Variants in ANKRD29 observed in about 807,000 individuals in gnomAD.
ANKRD29 encodes the protein ankyrin repeat domain 29.
ANKRD29 carries 32 observed loss-of-function variants against 38.0 expected under a neutral mutation model. The ratio of observed to expected loss-of-function variants is 0.84; its 90% CI spans 0.64 to 1.13. The LOEUF is 1.13. Ranked by LOEUF, ANKRD29 falls within the 50% of genes most tolerant of loss-of-function variation. The pLI is 0.00. For synonymous variants in ANKRD29, 135 were observed against 152.4 expected (o/e 0.89, Z 0.84); for missense variants, 357 against 377.9 (o/e 0.94, Z 0.46).
In ANKRD29 at chr18:23,644,613, A is replaced by G. The variant is rs538872586; in HGVS notation, c.231+1576T>C. On this transcript the variant is annotated intron_variant, in intron 3 of 9. Coordinates refer to ENST00000592179, the MANE Select transcript of ANKRD29 (RefSeq NM_173505.4). ...AGACCAGGCCTGTTGATCCAGGGCT[A>G]CAGAGACCCAGTCCCAGATTCTGCA... Among the ~76,000 whole-genome samples, 34 of 152,324 alleles carry G rather than the reference A, an allele frequency of 2.2e-4. No homozygotes were observed. In the South Asian group the frequency reaches 4.1e-3, roughly 19 times the overall value.
chr18:23,647,575 G>T (rs1490144825), intron 2 of ANKRD29: 1 of 152,068 alleles, frequency 6.6e-6, no homozygotes, highest in Non-Finnish European at 1.5e-5. Flanking sequence ...GCTGGAGTGG[G>T]ATGGCACGAT....
At chr18:23,636,109 A>G (rs1325183969) in intron 4 of ANKRD29, among the ~76,000 whole-genome samples, 1 of 152,118 alleles carries the variant, frequency 6.6e-6, no homozygotes, top group Non-Finnish European at 1.5e-5. Flanking sequence ...AAATATGAAG[A>G]TTCTTATGGA....
intron 1 of ANKRD29, among the ~76,000 whole-genome samples, chr18:23,659,461 G>A (rs572338444): frequency 1.2e-4 from 19 of 152,208 alleles, no homozygotes; most frequent in Admixed American, 1.2e-3. Flanking sequence ...TTAACTTTTT[G>A]AGGCTGGGTG....
chr18:23,646,112 C>T, intron 3 of ANKRD29, 77 bp downstream of exon 3: 7 of 1,331,156 alleles, frequency 5.3e-6, no homozygotes, highest in Non-Finnish European at 7.5e-6. Context: ...CTCTTGTCCC[C>T]CATACCAGTT....
chr18:23,611,332 C>T (rs997987289), intron 9 of ANKRD29, among the ~76,000 whole-genome samples: 2 of 152,144 alleles, frequency 1.3e-5, no homozygotes, highest in African/African-American at 2.4e-5. Context: ...ACAATACTCC[C>T]ATAGTAACTG....
intron 9 of ANKRD29, among the ~76,000 whole-genome samples, chr18:23,610,127 T>C (rs762736858): frequency 2.0e-4 from 30 of 152,180 alleles, no homozygotes; most frequent in Admixed American, 1.3e-4. Flanking sequence ...AAAGTAAAAG[T>C]TGCTTTTCAT....
intron 3 of ANKRD29, 52 bp downstream of exon 3, chr18:23,646,137 C>G: frequency 6.4e-7 from 1 of 1,554,354 alleles, no homozygotes; most frequent in East Asian, 2.2e-5. Context: ...ATCATGAAAA[C>G]TTCAGATCTC....
At chr18:23,612,366 A>C (rs535458646) in intron 8 of ANKRD29, among the ~76,000 whole-genome samples, 176 bp from the exon 9 acceptor site, 1 of 152,378 alleles carries the variant, frequency 6.6e-6, no homozygotes, top group South Asian at 2.1e-4. Context: ...CCTTGGATAC[A>C]TAACCAATGG....
At chr18:23,652,285 T>A (rs553290403) in intron 1 of ANKRD29, among the ~76,000 whole-genome samples, 3 of 152,194 alleles carry the variant, frequency 2.0e-5, no homozygotes, top group Non-Finnish European at 4.4e-5. Flanking sequence ...CCTTGCTCAG[T>A]GAAGTGGGCA....
At chr18:23,655,447 A>T (rs921917520) in intron 1 of ANKRD29, among the ~76,000 whole-genome samples, 3 of 151,794 alleles carry the variant, frequency 2.0e-5, no homozygotes, top group Admixed American at 6.6e-5. Context: ...CTTTTTTTTA[A>T]TTTTTTTTAT....
At chr18:23,653,866 T>C (rs1242813985) in intron 1 of ANKRD29, among the ~76,000 whole-genome samples, 4 of 151,966 alleles carry the variant, frequency 2.6e-5, no homozygotes, top group Admixed American at 2.6e-4. Context: ...CCACCATGCC[T>C]GGCCTATTAT....
chr18:23,602,197 C>T (rs906684056), intron 9 of ANKRD29, among the ~76,000 whole-genome samples: 2 of 151,994 alleles, frequency 1.3e-5, no homozygotes, highest in African/African-American at 4.8e-5. Flanking sequence ...CCACCATGCT[C>T]GGCTGAATTT....
Position 23,601,104 on chromosome 18 carries a change from C to T in ANKRD29, c.*122G>A. ...GTAGCTCTTCTTTGTCAGGGACCCA[C>T]AGGATGGGCATTCTGGGCATCTTTT... On this transcript the variant is annotated 3_prime_UTR_variant, in exon 10 of 10. Coordinates refer to ENST00000592179, the MANE Select transcript of ANKRD29 (RefSeq NM_173505.4). 1 of 842,798 alleles carries T rather than the reference C, an allele frequency of 1.2e-6. No individual in the cohort carries two copies. Among genetic ancestry groups the T allele is most frequent in the East Asian group, 2.7e-5 (1 of 36,850 alleles). 52.2% of individuals were successfully genotyped at this position (842,798 alleles called of 1,614,324 possible).
At position 23,629,840 on chromosome 18, in the gene ANKRD29, C is replaced by G; in HGVS notation, c.528+13G>C. On this transcript the variant is annotated intron_variant, in intron 6 of 9. Coordinates refer to ENST00000592179, the MANE Select transcript of ANKRD29 (RefSeq NM_173505.4). ...CGCCATGTGCTCGGGCAAATGTCAA[C>G]AGTGGACATTACCTGCCTTGGCTGG... is the stretch of plus-strand genomic sequence containing the variant. 1 of 1,612,548 alleles carries G rather than the reference C, an allele frequency of 6.2e-7. No homozygotes were observed. The highest frequency in any genetic ancestry group is 8.5e-7 in the Non-Finnish European group (1 of 1,179,236).
chr18:23,649,399 A>G (rs1359589978), intron 1 of ANKRD29: 4 of 704,890 alleles, frequency 5.7e-6, no homozygotes, highest in East Asian at 5.4e-5. Context: ...GGCTATGAAG[A>G]GCAGTGTTGT....
chr18:23,603,083 AT>A (rs1411059123), intron 9 of ANKRD29, among the ~76,000 whole-genome samples: 1 of 152,238 alleles, frequency 6.6e-6, no homozygotes, highest in Non-Finnish European at 1.5e-5. Flanking sequence ...AGGAAGGAGT[AT>A]TTTAACAGTC....
At chr18:23,648,724 T>C (rs971913632) in intron 2 of ANKRD29, 3 of 401,278 alleles carry the variant, frequency 7.5e-6, no homozygotes, top group African/African-American at 2.1e-5. Context: ...CCCACATCCA[T>C]GGCAGCCCAC....
At chr18:23,644,335 T>C (rs2060112830) in intron 3 of ANKRD29, among the ~76,000 whole-genome samples, 1 of 152,218 alleles carries the variant, frequency 6.6e-6, no homozygotes. Flanking sequence ...GACCATATTG[T>C]TTTTATTAGA....
intron 9 of ANKRD29, among the ~76,000 whole-genome samples, chr18:23,611,270 G>C (rs140729016): frequency 2.5e-4 from 38 of 152,332 alleles, no homozygotes; most frequent in African/African-American, 9.1e-4. Context: ...TATGGGAATG[G>C]TGATAAACTA....
Sources: allele counts gnomAD v4.1 joint callset (sites outside exome capture counted in the v4.1 genomes callset), GRCh38; gene constraint gnomAD v4.1.1; transcripts MANE v1.5; gene names NCBI Gene and HGNC (gene_info 2026-07-23, HGNC 2026-07-21).